The following MAGI1 variants were observed in gnomAD, a reference collection of about 807,000 sequenced individuals.
MAGI1 encodes membrane associated guanylate kinase, WW and PDZ domain containing 1.
In MAGI1, 58 loss-of-function variants were observed where a neutral mutation model predicts 139.9. The observed-to-expected ratio is 0.41, with a 90% confidence interval of 0.34 to 0.52. MAGI1 has a LOEUF of 0.52. Among genes scored for constraint, MAGI1 ranks in the 20% least tolerant of loss-of-function variants. MAGI1 has a pLI of 0.12. For missense variants in MAGI1, 1,874 were observed against 1,901.6 expected (o/e 0.99, Z 0.27); for synonymous variants, 812 against 737.9 (o/e 1.10, Z -1.63).
chr3:65,516,368 T>C (rs142582289), intron 2 of MAGI1, among the ~76,000 whole-genome samples: 2 of 152,044 alleles, frequency 1.3e-5, no homozygotes, highest in South Asian at 2.1e-4. Context: ...TTAGTAGAGA[T>C]AGGGTTTCAC....
At chr3:65,638,846 A>T (rs531292721) in intron 1 of MAGI1, among the ~76,000 whole-genome samples, 1 of 151,660 alleles carries the variant, frequency 6.6e-6, no homozygotes, top group East Asian at 2.0e-4. Context: ...ACATGAGGTG[A>T]TCCGCCCACC....
At chr3:65,896,896 C>T (rs2108600977) in intron 1 of MAGI1, among the ~76,000 whole-genome samples, 1 of 152,240 alleles carries the variant, frequency 6.6e-6, no homozygotes, top group East Asian at 1.9e-4. Context: ...TATACACCTA[C>T]ACATAATACA....
chr3:65,923,371 G>A (rs933702147), intron 1 of MAGI1, among the ~76,000 whole-genome samples: 30 of 151,766 alleles, frequency 2.0e-4, no homozygotes, highest in Admixed American at 4.6e-4. Context: ...GACTACAGGC[G>A]CGCACCACCA....
At chr3:65,742,886 A>T (rs1460313952) in intron 1 of MAGI1, among the ~76,000 whole-genome samples, 1 of 152,226 alleles carries the variant, frequency 6.6e-6, no homozygotes, top group African/African-American at 2.4e-5. Flanking sequence ...GCTGATCAAC[A>T]ATATGTCTGG....
intron 12 of MAGI1, among the ~76,000 whole-genome samples, chr3:65,406,699 T>C (rs955188580): frequency 6.7e-6 from 1 of 148,906 alleles, no homozygotes; most frequent in African/African-American, 2.4e-5. Context: ...ACTGAAAAAC[T>C]GTCCTGGAGT....
chr3:65,395,518 T>A (rs1034246740), intron 13 of MAGI1, among the ~76,000 whole-genome samples: 1 of 150,864 alleles, frequency 6.6e-6, no homozygotes, highest in Non-Finnish European at 1.5e-5. Flanking sequence ...GGCATGCACC[T>A]GTAATCCCAG....
At chr3:65,393,105 G>T (rs920367629) in intron 13 of MAGI1, among the ~76,000 whole-genome samples, 1 of 152,142 alleles carries the variant, frequency 6.6e-6, no homozygotes, top group Non-Finnish European at 1.5e-5. Context: ...CTCAGATTTG[G>T]TTGCCATTCC....
intron 1 of MAGI1, among the ~76,000 whole-genome samples, chr3:65,657,666 T>C (rs551331698): frequency 1.3e-3 from 201 of 152,328 alleles, no homozygotes; most frequent in Middle Eastern, 3.4e-3. Context: ...AAAGAAATTT[T>C]TTTTGTTTGT....
Position 65,356,219 on chromosome 3 carries a change from T to A in MAGI1, c.*159A>T. The A allele has an allele frequency of 1.5e-6, 1 of 659,238 alleles. No individual in the cohort carries two copies. Among genetic ancestry groups the A allele is most frequent in the African/African-American group, 1.9e-5 (1 of 53,612 alleles). The allele number at this position is 659,238 out of a possible 1,614,324, so 40.8% of individuals were successfully genotyped here. A position where few individuals can be genotyped will look rare whatever the true frequency, so the allele number is the denominator to read the frequency against. ...CAGGCACAATACTTTTCATATATATTTTTTCTTATAAGATTTCAAATGCAT... is the reference window on the plus strand; with the variant it reads ...CAGGCACAATACTTTTCATATATATATTTTCTTATAAGATTTCAAATGCAT... On this transcript the variant is annotated 3_prime_UTR_variant, in exon 23 of 23. Transcript: ENST00000402939.
chr3:65,691,849 T>C (rs774087951), intron 1 of MAGI1, among the ~76,000 whole-genome samples: 2 of 152,138 alleles, frequency 1.3e-5, no homozygotes, highest in Middle Eastern at 3.2e-3. Context: ...TGGACTGAAA[T>C]CGTTCCAGGA....
At chr3:65,505,152 T>C (rs1377407213) in intron 2 of MAGI1, among the ~76,000 whole-genome samples, 1 of 152,198 alleles carries the variant, frequency 6.6e-6, no homozygotes, top group South Asian at 2.1e-4. Flanking sequence ...CTCTCCATTA[T>C]GGCAGGTAAT....
intron 9 of MAGI1, among the ~76,000 whole-genome samples, chr3:65,437,918 CAG>C (rs796239140): frequency 1.3e-4 from 20 of 152,244 alleles, no homozygotes; most frequent in African/African-American, 4.3e-4. Flanking sequence ...CAAAAAATAA[CAG>C]ATGTTGATAA....
intron 1 of MAGI1, among the ~76,000 whole-genome samples, chr3:65,679,957 A>G (rs1286540909): frequency 6.6e-6 from 1 of 152,206 alleles, no homozygotes; most frequent in Non-Finnish European, 1.5e-5. Flanking sequence ...ATATGGCCAA[A>G]TAACTCGTAT....
intron 2 of MAGI1, chr3:65,609,959 G>C (rs1345149298): frequency 6.1e-6 from 1 of 163,820 alleles, no homozygotes; most frequent in Non-Finnish European, 1.4e-5. Context: ...GCATTCTACT[G>C]CCAGAATCTG....
intron 1 of MAGI1, among the ~76,000 whole-genome samples, chr3:65,946,253 T>C (rs2063540092): frequency 6.6e-6 from 1 of 152,212 alleles, no homozygotes; most frequent in African/African-American, 2.4e-5. Context: ...AAAAATGTGT[T>C]ACTTCAACTC....
rs1940102969 is a variant in MAGI1 at position 65,354,183 on chromosome 3, T to TGATGAAA, written c.*2188_*2194dup. The TGATGAAA allele has an allele frequency of 1.3e-5, 2 of 152,468 alleles. No homozygotes were observed. The highest frequency in any genetic ancestry group is 1.3e-4 in the Admixed American group (2 of 15,284). The allele number at this position is 152,468 out of a possible 1,614,324, so 9.4% of individuals were successfully genotyped here. A position where few individuals can be genotyped will look rare whatever the true frequency, so the allele number is the denominator to read the frequency against. ...ATCTCCAAGTCAGCTCTTAGGAACT[T>TGATGAAA]GATGAAAAAGAACATCATTATTCAG... On this transcript the variant is annotated 3_prime_UTR_variant, in exon 23 of 23. Coordinates refer to ENST00000402939, the MANE Select transcript of MAGI1 (RefSeq NM_001033057.2).
chr3:65,937,862 A>T (rs1228890990), intron 1 of MAGI1, among the ~76,000 whole-genome samples: 1 of 152,150 alleles, frequency 6.6e-6, no homozygotes, highest in Non-Finnish European at 1.5e-5. Context: ...CAGCCCAAAT[A>T]AGAATTAATC....
chr3:65,501,555 C>G lies in MAGI1; in HGVS notation c.431-7924G>C, dbSNP rs2077084178. 2.0e-5 allele frequency among the ~76,000 whole-genome samples: 3 copies of G among 151,558 alleles called. No homozygotes were observed. In the South Asian group the frequency reaches 6.3e-4, roughly 32 times the overall value. On this transcript the variant is annotated intron_variant, in intron 2 of 22. Coordinates refer to ENST00000402939, the MANE Select transcript of MAGI1 (RefSeq NM_001033057.2). ...TGGTTTAAAAATGTTTCTGTAATAC[C>G]AAATGCTGGCAAAAATATGGAGCAA... is the stretch of plus-strand genomic sequence containing the variant.
At chr3:65,410,074 A>C (rs1945663986) in intron 12 of MAGI1, among the ~76,000 whole-genome samples, 1 of 152,212 alleles carries the variant, frequency 6.6e-6, no homozygotes, top group South Asian at 2.1e-4. Flanking sequence ...CAGGTAAGAA[A>C]GACCTAAAGT....
Sources: allele counts gnomAD v4.1 joint callset (sites outside exome capture counted in the v4.1 genomes callset), GRCh38; gene constraint gnomAD v4.1.1; transcripts MANE v1.5; gene names NCBI Gene and HGNC (gene_info 2026-07-23, HGNC 2026-07-21).